TAS2R1: variants seen among roughly 807,000 people sequenced by gnomAD.
TAS2R1 encodes taste 2 receptor member 1.
For synonymous variants in TAS2R1, 141 were observed against 134.2 expected (o/e 1.05, Z -0.35); for missense variants, 370 against 353.4 (o/e 1.05, Z -0.38).
chr5:9,755,587 C>CAAAAAAA, the TAS2R1 span, among the ~76,000 whole-genome samples: 1 of 94,854 alleles, frequency 1.1e-5, no homozygotes. Flanking sequence ...ACTCCATCTC[C>CAAAAAAA]AAAAAAAAAA....
chr5:9,832,215 G>A, the TAS2R1 span, among the ~76,000 whole-genome samples: 39,903 of 152,158 alleles, frequency 0.26, 6,531 homozygotes, highest in Non-Finnish European at 0.37. Flanking sequence ...CCAGTTTTCA[G>A]TGAAACAAAC....
chr5:9,814,253 G>A, the TAS2R1 span, among the ~76,000 whole-genome samples: 6 of 151,816 alleles, frequency 4.0e-5, no homozygotes, highest in African/African-American at 1.5e-4. Context: ...ATTAAATACA[G>A]ATTTATTGTT....
At chr5:9,742,099 G>A in the TAS2R1 span, among the ~76,000 whole-genome samples, 4 of 151,904 alleles carry the variant, frequency 2.6e-5, no homozygotes, top group Non-Finnish European at 5.9e-5. Flanking sequence ...TCTCCATGCT[G>A]GTCTCAAACT....
chr5:9,782,940 C>T, the TAS2R1 span, among the ~76,000 whole-genome samples: 10 of 152,118 alleles, frequency 6.6e-5, no homozygotes, highest in African/African-American at 1.9e-4. Flanking sequence ...CAGAAACCCA[C>T]GAGCTAGAGG....
chr5:9,821,016 C>G, the TAS2R1 span, among the ~76,000 whole-genome samples: 7 of 152,162 alleles, frequency 4.6e-5, no homozygotes, highest in African/African-American at 1.7e-4. Context: ...AATGTTGGTG[C>G]TTTCTGGCCA....
intron 1 of TAS2R1, among the ~76,000 whole-genome samples, chr5:9,689,136 A>G (rs1220749094): frequency 1.3e-5 from 2 of 152,094 alleles, no homozygotes; most frequent in South Asian, 2.1e-4. Flanking sequence ...TATCAACTCT[A>G]TGGCTCTACT....
At chr5:9,724,344 C>CTTTTTT in the TAS2R1 span, among the ~76,000 whole-genome samples, 1 of 124,678 alleles carries the variant, frequency 8.0e-6, no homozygotes, top group Non-Finnish European at 1.8e-5. Flanking sequence ...ATGTTTCTTT[C>CTTTTTT]TTTTTTTTTT....
the TAS2R1 span, among the ~76,000 whole-genome samples, chr5:9,835,732 CA>C: frequency 6.6e-6 from 1 of 152,170 alleles, no homozygotes; most frequent in Non-Finnish European, 1.5e-5. Context: ...GGCCTGGGTT[CA>C]AATCCCTGCT....
At chr5:9,822,081 G>GA in the TAS2R1 span, among the ~76,000 whole-genome samples, 1 of 152,168 alleles carries the variant, frequency 6.6e-6, no homozygotes, top group Non-Finnish European at 1.5e-5. Flanking sequence ...ATTTTTGTGA[G>GA]ATTGGCTTCG....
chr5:9,783,274 G>T, the TAS2R1 span, among the ~76,000 whole-genome samples: 1 of 152,090 alleles, frequency 6.6e-6, no homozygotes, highest in Non-Finnish European at 1.5e-5. Flanking sequence ...TAATCTCAAC[G>T]ATTCTACTTA....
At chr5:9,795,758 C>A in the TAS2R1 span, among the ~76,000 whole-genome samples, 8 of 152,170 alleles carry the variant, frequency 5.3e-5, 1 homozygote, top group Admixed American at 5.2e-4. Flanking sequence ...GGTCCTGATC[C>A]TGATCCTTGT....
At chr5:9,842,237 A>T in the TAS2R1 span, among the ~76,000 whole-genome samples, 1 of 151,984 alleles carries the variant, frequency 6.6e-6, no homozygotes, top group Admixed American at 6.6e-5. Context: ...CTATTAAAAA[A>T]TAGTAAAGCC....
the TAS2R1 span, among the ~76,000 whole-genome samples, chr5:9,776,845 A>G: frequency 6.6e-6 from 1 of 152,194 alleles, no homozygotes; most frequent in African/African-American, 2.4e-5. Context: ...CCAGACCACC[A>G]CAATAAAACA....
intron 1 of TAS2R1, among the ~76,000 whole-genome samples, chr5:9,678,295 G>A (rs918057394): frequency 2.0e-5 from 3 of 152,164 alleles, no homozygotes; most frequent in African/African-American, 7.2e-5. Flanking sequence ...ATGCTGGTGA[G>A]TTTGCAGAGA....
At chr5:9,831,396 A>T in the TAS2R1 span, among the ~76,000 whole-genome samples, 2 of 152,232 alleles carry the variant, frequency 1.3e-5, no homozygotes, top group African/African-American at 4.8e-5. Flanking sequence ...GTCACGAAAC[A>T]ATAAAATTTT....
intron 2 of TAS2R1, among the ~76,000 whole-genome samples, chr5:9,637,828 C>A (rs1739993951): frequency 6.6e-6 from 1 of 152,060 alleles, no homozygotes; most frequent in Non-Finnish European, 1.5e-5. Context: ...TCATCCATAT[C>A]CTACATTTTT....
chr5:9,695,708 G>A (rs1430238773), intron 1 of TAS2R1, among the ~76,000 whole-genome samples: 2 of 152,084 alleles, frequency 1.3e-5, no homozygotes, highest in Non-Finnish European at 2.9e-5. Context: ...CAAACACTGA[G>A]AAAGTACTAG....
At chr5:9,675,677 A>C (rs1280870777) in intron 1 of TAS2R1, among the ~76,000 whole-genome samples, 1 of 152,024 alleles carries the variant, frequency 6.6e-6, no homozygotes, top group Non-Finnish European at 1.5e-5. Flanking sequence ...GATCTCCCAA[A>C]GTGCTGGGAT....
At position 9,627,747 on chromosome 5, in the gene TAS2R1, G is replaced by A. The variant is rs372131965; in HGVS notation, c.*1386C>T. On this transcript the variant is annotated 3_prime_UTR_variant, in exon 1 of 1. Transcript: ENST00000382492. ...TACAAACCTTCCTACCTAGTGGGAC[G>A]TGGGAAAATGAAATAGCAGGAAGAT... 3.1e-4 allele frequency among the ~76,000 whole-genome samples: 47 copies of A among 152,316 alleles called. No individual in the cohort carries two copies. The highest frequency in any genetic ancestry group is 3.2e-4 in the Non-Finnish European group (22 of 68,036).
Sources: allele counts gnomAD v4.1 joint callset (sites outside exome capture counted in the v4.1 genomes callset), GRCh38; gene constraint gnomAD v4.1.1; transcripts MANE v1.5; gene names NCBI Gene and HGNC (gene_info 2026-07-23, HGNC 2026-07-21).